SHANK2: variants seen among roughly 807,000 people sequenced by gnomAD.
The protein encoded by SHANK2 is SH3 and multiple ankyrin repeat domains protein 2.
SHANK2 carries 43 observed loss-of-function variants against 133.7 expected under a neutral mutation model. That is an observed-to-expected ratio of 0.32 (90% CI 0.25 to 0.41). The LOEUF is 0.41. Among genes scored for constraint, SHANK2 ranks in the 10% least tolerant of loss-of-function variants. SHANK2 has a pLI of 1.00. For synonymous variants in SHANK2, 1,017 were observed against 952.8 expected (o/e 1.07, Z -1.24); for missense variants, 1,994 against 2,235.8 (o/e 0.89, Z 2.18).
chr11:70,501,935 G>A lies in SHANK2; in HGVS notation c.2279-4C>T. 6.4e-7 allele frequency: 1 copy of A among 1,559,224 alleles called. No homozygotes were observed. The highest frequency in any genetic ancestry group is 2.4e-5 in the East Asian group (1 of 41,776). On this transcript the variant is annotated splice_region_variant and splice_polypyrimidine_tract_variant and intron_variant, in intron 19 of 25. Transcript: ENST00000601538. ...TGGGGCTGCTTACCTTTATCCACTA[G>A]TGAGAGGCCCAAAAATTCAAAACAA...
Position 70,473,265 on chromosome 11 carries a change from G to A in SHANK2, c.5154C>T (p.Asn1718=). The A allele has an allele frequency of 1.9e-6, 3 of 1,612,458 alleles. No homozygotes were observed. The highest frequency in any genetic ancestry group is 2.5e-6 in the Non-Finnish European group (3 of 1,178,610). The part of the protein sequence containing the change: ...PSPVVSPTEM[N]KETLPAPLSA... The stretch of plus-strand genomic sequence containing the variant: ...ACAGGGGGGCGGGCAGGGTCTCTTT[G>A]TTCATCTCTGTTGGCGAGACCACAG... The change falls in exon 26 of 26, where the codon AAC becomes AAT. Residue 1718 remains asparagine, a synonymous_variant. Transcript: ENST00000601538. This position sits in a 1 kb window ranked among gnomAD's most constrained non-coding sequence, Gnocchi z 5.9.
At chr11:70,716,579 G>A (rs2134625081) in intron 14 of SHANK2, among the ~76,000 whole-genome samples, 1 of 152,232 alleles carries the variant, frequency 6.6e-6, no homozygotes, top group South Asian at 2.1e-4. Context: ...TCTTGGGGAG[G>A]ATGAGGTGGG....
chr11:71,134,534 G>A (rs1297443143), intron 3 of SHANK2, among the ~76,000 whole-genome samples: 1 of 150,066 alleles, frequency 6.7e-6, no homozygotes, highest in Admixed American at 6.7e-5. Flanking sequence ...CCACCTCCCA[G>A]GTTCAAGCAA....
chr11:70,598,264 A>C (rs2060428023), intron 17 of SHANK2, among the ~76,000 whole-genome samples: 1 of 146,800 alleles, frequency 6.8e-6, no homozygotes, highest in Non-Finnish European at 1.5e-5. Context: ...AGAGAAGGGT[A>C]TTGGAAGGTG....
intron 14 of SHANK2, among the ~76,000 whole-genome samples, chr11:70,731,982 T>C (rs1420984938): frequency 6.6e-6 from 1 of 152,076 alleles, no homozygotes; most frequent in Non-Finnish European, 1.5e-5. Context: ...TCCTGTGGCC[T>C]CCTCCTCAGC....
At position 70,927,381 on chromosome 11, in the gene SHANK2, CT is replaced by C. The variant is rs535760101; in HGVS notation, c.1108-30815del. Among the ~76,000 whole-genome samples the C allele has an allele frequency of 5.3e-5, 8 of 152,190 alleles. No individual in the cohort carries two copies. In the South Asian group the frequency reaches 1.7e-3, roughly 32 times the overall value. On this transcript the variant is annotated intron_variant, in intron 10 of 25. Transcript: ENST00000601538. Reference sequence around the variant, plus strand: ...TATGCTCCCAGGGTCATTTCACTGCCTGGTGTGACGGACTTGAGAGCCGTTG... The same window carrying C: ...TATGCTCCCAGGGTCATTTCACTGCCGGTGTGACGGACTTGAGAGCCGTTG...
At position 70,471,844 on chromosome 11, in the gene SHANK2, C is replaced by T. The variant is rs1422149172; in HGVS notation, c.*1025G>A. ...GAGGAGACGCTGTCTCACTGGCAGC[C>T]GCATGTGCCCGCCATGAGCCATGCG... On this transcript the variant is annotated 3_prime_UTR_variant, in exon 26 of 26. Transcript: ENST00000601538. This position sits in a 1 kb window ranked among gnomAD's most constrained non-coding sequence, Gnocchi z 4.1. The T allele has an allele frequency of 2.5e-5, 4 of 157,796 alleles. No homozygotes were observed. The highest frequency in any genetic ancestry group is 1.8e-4 in the East Asian group (1 of 5,472). The allele number at this position is 157,796 out of a possible 1,614,324, so 9.8% of individuals were successfully genotyped here. A position where few individuals can be genotyped will look rare whatever the true frequency, so the allele number is the denominator to read the frequency against.
At position 71,200,083 on chromosome 11, in the gene SHANK2, G is replaced by A. The variant is rs80328417; in HGVS notation, c.-13+24614C>T. On this transcript the variant is annotated intron_variant, in intron 2 of 25. Transcript: ENST00000601538. ...AACCATCACCACTATCTAACGTCAG[G>A]ACATTCTCAGCACCCCACATGGAAA... 3.0e-3 allele frequency among the ~76,000 whole-genome samples: 456 copies of A among 152,232 alleles called. 12 individuals are homozygous for A. In the East Asian group the frequency reaches 0.069, roughly 23 times the overall value.
In SHANK2 at chr11:70,472,767, T is replaced by C. The variant is rs2058611831; in HGVS notation, c.*102A>G. 1 of 1,142,954 alleles carries C rather than the reference T, an allele frequency of 8.7e-7. No homozygotes were observed. The highest frequency in any genetic ancestry group is 1.3e-6 in the Non-Finnish European group (1 of 753,138). 70.8% of individuals were successfully genotyped at this position (1,142,954 alleles called of 1,614,324 possible). A position where few individuals can be genotyped will look rare whatever the true frequency, so the allele number is the denominator to read the frequency against. ...GGTACCAGGAGACAAACCCATGGAG[T>C]GGGGTTGATGCTCACAGACTTCGCT... On this transcript the variant is annotated 3_prime_UTR_variant, in exon 26 of 26. Coordinates refer to ENST00000601538, the MANE Select transcript of SHANK2 (RefSeq NM_012309.5). The surrounding 1 kb of genome is among the most constrained non-coding windows in gnomAD (Gnocchi z 4.4).
intron 17 of SHANK2, among the ~76,000 whole-genome samples, chr11:70,646,700 C>T (rs1405030843): frequency 6.6e-6 from 1 of 152,190 alleles, no homozygotes; most frequent in African/African-American, 2.4e-5. Context: ...ACCCTAACCC[C>T]ACGTGGTCCA....
intron 10 of SHANK2, among the ~76,000 whole-genome samples, chr11:70,954,435 C>A (rs376317677): frequency 9.2e-5 from 14 of 152,192 alleles, no homozygotes; most frequent in Admixed American, 7.9e-4. Flanking sequence ...CACTACCATG[C>A]GTGGCATGAG....
intron 14 of SHANK2, among the ~76,000 whole-genome samples, chr11:70,784,721 T>C (rs1947610994): frequency 6.6e-6 from 1 of 152,172 alleles, no homozygotes; most frequent in Non-Finnish European, 1.5e-5. Flanking sequence ...CCTGGGAGCC[T>C]GTGGCTGAGG....
chr11:70,524,576 C>G (rs1283500637), intron 17 of SHANK2, among the ~76,000 whole-genome samples: 1 of 152,248 alleles, frequency 6.6e-6, no homozygotes, highest in Non-Finnish European at 1.5e-5. Flanking sequence ...CGTCCTCAGG[C>G]TACCCCGAGC....
intron 12 of SHANK2, among the ~76,000 whole-genome samples, chr11:70,818,424 C>T (rs1416951182): frequency 1.3e-5 from 2 of 152,216 alleles, no homozygotes; most frequent in African/African-American, 2.4e-5. Flanking sequence ...CTGCTTCTCT[C>T]TTTCCCGAGC....
chr11:70,792,017 A>G (rs1374928833), intron 14 of SHANK2, among the ~76,000 whole-genome samples: 3 of 152,210 alleles, frequency 2.0e-5, no homozygotes. Flanking sequence ...TTGAAGGCAT[A>G]ACTACCAAAC....
chr11:70,715,437 C>T (rs565359037), intron 14 of SHANK2, among the ~76,000 whole-genome samples: 1 of 152,290 alleles, frequency 6.6e-6, no homozygotes, highest in East Asian at 1.9e-4. Flanking sequence ...ACTAGCCCTT[C>T]TTGCAGCTCT....
chr11:70,914,867 CCA>C (rs1950248152), intron 10 of SHANK2, among the ~76,000 whole-genome samples: 1 of 148,140 alleles, frequency 6.8e-6, no homozygotes, highest in South Asian at 2.1e-4. Context: ...CCACTGCACT[CCA>C]GTCTGTTGAC....
intron 3 of SHANK2, among the ~76,000 whole-genome samples, chr11:71,133,926 A>T (rs1164621840): frequency 1.4e-5 from 2 of 144,020 alleles, no homozygotes; most frequent in Admixed American, 6.9e-5. Context: ...AAAACTATGT[A>T]TTTTTTTTTT....
chr11:71,136,284 A>G (rs1555104778), intron 3 of SHANK2, among the ~76,000 whole-genome samples: 1 of 152,160 alleles, frequency 6.6e-6, no homozygotes, highest in African/African-American at 2.4e-5. Context: ...AACGTGGTGC[A>G]TATGTGCAAC....
Sources: allele counts gnomAD v4.1 joint callset (sites outside exome capture counted in the v4.1 genomes callset), GRCh38; gene constraint gnomAD v4.1.1; non-coding constraint Gnocchi (gnomAD v3.1); transcripts MANE v1.5; gene names NCBI Gene and HGNC (gene_info 2026-07-23, HGNC 2026-07-21).